ENOX1: variants seen among roughly 807,000 people sequenced by gnomAD.
The protein encoded by ENOX1 is candidate growth-related and time keeping constitutive hydroquinone (NADH) oxidase.
In ENOX1, 42 loss-of-function variants were observed where a neutral mutation model predicts 82.5. The observed-to-expected ratio is 0.51, with a 90% confidence interval of 0.40 to 0.66. The LOEUF (loss-of-function observed/expected upper bound fraction) is 0.66. ENOX1 is among the 30% of genes least tolerant of loss of function. ENOX1 has a pLI of 0.00. For synonymous variants in ENOX1, 271 were observed against 282.2 expected, an observed-to-expected ratio of 0.96 and a Z score of 0.40; for missense variants, 608 against 811.6, an observed-to-expected ratio of 0.75 and a Z score of 3.05.
At chr13:43,225,476 T>TA (rs1323665512) in intron 15 of ENOX1, among the ~76,000 whole-genome samples, 1 of 152,212 alleles carries the variant, frequency 6.6e-6, no homozygotes, top group Non-Finnish European at 1.5e-5. Context: ...AGCTTTCTGT[T>TA]AAAAAAGTTT....
intron 2 of ENOX1, among the ~76,000 whole-genome samples, chr13:43,591,797 T>C: frequency 6.6e-6 from 1 of 152,112 alleles, no homozygotes; most frequent in East Asian, 1.9e-4. Flanking sequence ...CAATTACAGC[T>C]CCCATCCACG....
At chr13:43,389,578 C>CT (rs1442395080) in intron 5 of ENOX1, among the ~76,000 whole-genome samples, 2 of 152,058 alleles carry the variant, frequency 1.3e-5, no homozygotes, top group East Asian at 1.9e-4. Flanking sequence ...TCCTTATTTC[C>CT]TTTTTTAAAA....
At position 43,763,951 on chromosome 13, in the gene ENOX1, GA is replaced by G. The variant is rs754554084; in HGVS notation, c.-285+22700del. On this transcript the variant is annotated intron_variant, in intron 1 of 16. Coordinates refer to ENST00000690772, the MANE Select transcript of ENOX1 (RefSeq NM_001347969.2). ...AGATTCATAGAGAATTTGTATCCTA[GA>G]CCTATGAGAATTTATCTGATTCCTG... 6.4e-4 allele frequency among the ~76,000 whole-genome samples: 98 copies of G among 152,166 alleles called. 2 individuals are homozygous for G. The highest frequency in any genetic ancestry group is 3.4e-4 in the Non-Finnish European group (23 of 68,026).
chr13:43,305,474 A>G (rs1333165542), intron 11 of ENOX1, among the ~76,000 whole-genome samples: 1 of 152,052 alleles, frequency 6.6e-6, no homozygotes, highest in African/African-American at 2.4e-5. Flanking sequence ...AATAAGGGTA[A>G]TTTCGGGAGT....
intron 3 of ENOX1, among the ~76,000 whole-genome samples, chr13:43,461,443 T>C (rs2057479748): frequency 6.6e-6 from 1 of 152,188 alleles, no homozygotes; most frequent in African/African-American, 2.4e-5. Flanking sequence ...CCACCATCTA[T>C]TGATATATAT....
At chr13:43,660,646 T>C (rs1403027767) in intron 2 of ENOX1, among the ~76,000 whole-genome samples, 2 of 152,136 alleles carry the variant, frequency 1.3e-5, no homozygotes, top group Admixed American at 1.3e-4. Flanking sequence ...CTGAAAAAGA[T>C]GAACAATTAA....
intron 14 of ENOX1, among the ~76,000 whole-genome samples, chr13:43,263,147 A>T (rs2044175256): frequency 6.6e-6 from 1 of 152,242 alleles, no homozygotes; most frequent in South Asian, 2.1e-4. Context: ...GGAAACTTCC[A>T]AAAGGAGACA....
At position 43,438,219 on chromosome 13, in the gene ENOX1, G is replaced by T. The variant is rs763649044; in HGVS notation, c.-74-25231C>A. 4.6e-4 allele frequency among the ~76,000 whole-genome samples: 70 copies of T among 152,184 alleles called. 1 individual carries two copies. Among genetic ancestry groups the T allele is most frequent in the Non-Finnish European group, 9.7e-4 (66 of 68,040 alleles). ...AATGGGGAGTGACAGGGTCAAATTT[G>T]TAATTTAGAGCAATAATTCTTAGAG... is the stretch of plus-strand genomic sequence containing the variant. On this transcript the variant is annotated intron_variant, in intron 3 of 16. Coordinates refer to ENST00000690772, the MANE Select transcript of ENOX1 (RefSeq NM_001347969.2).
intron 1 of ENOX1, among the ~76,000 whole-genome samples, chr13:43,770,844 G>A (rs1197025480): frequency 6.6e-6 from 1 of 151,888 alleles, no homozygotes; most frequent in East Asian, 1.9e-4. Flanking sequence ...CAGCATTTTT[G>A]TGGGAGAAAA....
At chr13:43,590,733 A>C (rs2081208512) in intron 2 of ENOX1, among the ~76,000 whole-genome samples, 1 of 148,720 alleles carries the variant, frequency 6.7e-6, no homozygotes. Context: ...CCGGGATCAC[A>C]CCACTGTGCT....
At chr13:43,643,648 T>TATATAC (rs1291878348) in intron 2 of ENOX1, among the ~76,000 whole-genome samples, 1 of 150,132 alleles carries the variant, frequency 6.7e-6, no homozygotes, top group East Asian at 2.0e-4. Context: ...TATATATATA[T>TATATAC]ACACACACAT....
intron 9 of ENOX1, among the ~76,000 whole-genome samples, chr13:43,337,320 C>A (rs1033341251): frequency 1.2e-4 from 19 of 152,198 alleles, no homozygotes; most frequent in African/African-American, 4.3e-4. Context: ...GTAAGTGGCT[C>A]ATGTCTCTAT....
intron 2 of ENOX1, among the ~76,000 whole-genome samples, chr13:43,514,711 T>C (rs1029277217): frequency 1.3e-5 from 2 of 152,158 alleles, no homozygotes; most frequent in African/African-American, 2.4e-5. Context: ...TGTAGAATAT[T>C]TGTGTCTTTA....
At chr13:43,229,572 CAA>C (rs1195205573) in intron 15 of ENOX1, among the ~76,000 whole-genome samples, 3 of 152,038 alleles carry the variant, frequency 2.0e-5, no homozygotes, top group African/African-American at 7.3e-5. Context: ...GGCAGGAAAC[CAA>C]AAGAGTGGTT....
chr13:43,476,213 CAT>C (rs1456315657), intron 3 of ENOX1, among the ~76,000 whole-genome samples: 1 of 152,074 alleles, frequency 6.6e-6, no homozygotes, highest in African/African-American at 2.4e-5. Flanking sequence ...TTATTGAGCA[CAT>C]GCTAGGTATA....
intron 2 of ENOX1, among the ~76,000 whole-genome samples, chr13:43,505,555 C>T (rs1398430217): frequency 1.3e-5 from 2 of 151,834 alleles, no homozygotes; most frequent in African/African-American, 4.8e-5. Flanking sequence ...AAAAATAACC[C>T]TTGAGAAGTG....
chr13:43,214,683 T>C (rs2041372888), intron 16 of ENOX1, among the ~76,000 whole-genome samples: 1 of 152,186 alleles, frequency 6.6e-6, no homozygotes, highest in Non-Finnish European at 1.5e-5. Context: ...AGTCATAAAA[T>C]TCAGGTATAT....
intron 1 of ENOX1, among the ~76,000 whole-genome samples, chr13:43,685,275 A>G (rs2086007941): frequency 6.6e-6 from 1 of 152,160 alleles, no homozygotes; most frequent in African/African-American, 2.4e-5. Context: ...CATCTTGCAT[A>G]GTTTCCTTCT....
At chr13:43,468,001 C>G (rs992358672) in intron 3 of ENOX1, among the ~76,000 whole-genome samples, 2 of 152,084 alleles carry the variant, frequency 1.3e-5, no homozygotes, top group Admixed American at 6.5e-5. Flanking sequence ...CATGGATTCT[C>G]TATTCCATTC....
Sources: allele counts gnomAD v4.1 joint callset (sites outside exome capture counted in the v4.1 genomes callset), GRCh38; gene constraint gnomAD v4.1.1; transcripts MANE v1.5; gene names NCBI Gene and HGNC (gene_info 2026-07-23, HGNC 2026-07-21).